Variants in SAMD13 observed in about 807,000 individuals in gnomAD.
SAMD13 encodes the protein sterile alpha motif domain containing 13.
SAMD13 carries 9 observed loss-of-function variants against 12.4 expected under a neutral mutation model. The ratio of observed to expected loss-of-function variants is 0.72; its 90% CI spans 0.44 to 1.26. The LOEUF (loss-of-function observed/expected upper bound fraction) is 1.26, where lower values mean the gene tolerates loss of function less well. SAMD13 is among the 50% of genes most tolerant of loss of function. SAMD13 has a pLI of 0.00. For missense variants in SAMD13, 84 were observed against 119.6 expected (o/e 0.70, Z 1.39); for synonymous variants, 46 against 45.4 (o/e 1.01, Z -0.05).
At chr1:84,329,863 A>G (rs1241886922) in intron 3 of SAMD13, among the ~76,000 whole-genome samples, 1 of 152,198 alleles carries the variant, frequency 6.6e-6, no homozygotes, top group East Asian at 1.9e-4. Flanking sequence ...TTGGGTTGGC[A>G]TGTGGTCTGT....
chr1:84,341,586 TA>T (rs936751100), intron 3 of SAMD13, among the ~76,000 whole-genome samples: 15 of 152,106 alleles, frequency 9.9e-5, no homozygotes, highest in Admixed American at 8.5e-4. Flanking sequence ...TGCAAAAAGC[TA>T]ATGGCTTAAG....
chr1:84,343,871 T>A (rs1254269935), intron 3 of SAMD13, among the ~76,000 whole-genome samples: 1 of 152,004 alleles, frequency 6.6e-6, no homozygotes, highest in Admixed American at 6.6e-5. Flanking sequence ...TAAATTTAAA[T>A]TAAAAAAAAT....
At chr1:84,344,837 T>C (rs1166873783) in intron 3 of SAMD13, 2 of 453,672 alleles carry the variant, frequency 4.4e-6, no homozygotes, top group Non-Finnish European at 8.9e-6. Context: ...AAGAGGCCTA[T>C]GAGGTCTTGT....
intron 2 of SAMD13, among the ~76,000 whole-genome samples, chr1:84,321,924 C>T (rs974046592): frequency 1.3e-5 from 2 of 152,326 alleles, no homozygotes; most frequent in East Asian, 1.9e-4. Context: ...TGCATTAACA[C>T]GAGCAACCTA....
At position 84,350,373 on chromosome 1, in the gene SAMD13, GA is replaced by G. The variant is rs1254905690; in HGVS notation, c.*603del. 1 of 152,192 alleles carries G rather than the reference GA, an allele frequency of 6.6e-6. No homozygotes were observed. Among genetic ancestry groups the G allele is most frequent in the East Asian group, 1.9e-4 (1 of 5,206 alleles). The allele number at this position is 152,192 out of a possible 1,614,324, so 9.4% of individuals were successfully genotyped here. ...CCTTCAGGAGCAGAATCATAGCTCT[GA>G]AAAGAGAAGCTCCGTTGTGTACTGA... is the stretch of plus-strand genomic sequence containing the variant. On this transcript the variant is annotated 3_prime_UTR_variant, in exon 4 of 4. Transcript: ENST00000394834.
chr1:84,329,214 G>A (rs1265548219), intron 3 of SAMD13, among the ~76,000 whole-genome samples: 1 of 152,086 alleles, frequency 6.6e-6, no homozygotes, highest in East Asian at 1.9e-4. Context: ...CCTTCTACAA[G>A]CCAGCAGGAG....
chr1:84,330,984 C>T (rs1679167464), intron 3 of SAMD13, among the ~76,000 whole-genome samples: 1 of 152,102 alleles, frequency 6.6e-6, no homozygotes, highest in African/African-American at 2.4e-5. Context: ...TATCTTTACT[C>T]TGAAATGCCC....
At position 84,325,853 on chromosome 1, in the gene SAMD13, C is replaced by T. The variant is rs945145131; in HGVS notation, c.165+105C>T. On this transcript the variant is annotated intron_variant, in intron 3 of 3. Transcript: ENST00000394834. ...AGTGAGGAGGAAGAGGACCAAAGAG[C>T]AGGGAGGAATCAGTGAGGCTCTGAG... 3.5e-5 allele frequency: 24 copies of T among 692,258 alleles called. No individual in the cohort carries two copies. The African/African-American group carries it at 3.5e-4, about 10-fold the overall frequency. The allele number at this position is 692,258 out of a possible 1,614,324, so 42.9% of individuals were successfully genotyped here.
At chr1:84,330,565 A>C (rs1679157755) in intron 3 of SAMD13, among the ~76,000 whole-genome samples, 1 of 152,228 alleles carries the variant, frequency 6.6e-6, no homozygotes. Context: ...CTAAATGAGC[A>C]GCATTCTCTG....
chr1:84,319,550 G>A (rs900859795), intron 2 of SAMD13, among the ~76,000 whole-genome samples: 17 of 150,880 alleles, frequency 1.1e-4, no homozygotes, highest in Admixed American at 1.1e-3. Context: ...CAGGAGAATC[G>A]CTTGAACCCA....
rs983561662 is a variant in SAMD13, at chr1:84,311,034, T to C, written c.53+7747T>C. ...TATCAAAGTTATTCAGTCGTTTTTG[T>C]CTTTAATTTTTGAATATTTGGCCAG... On this transcript the variant is annotated intron_variant, in intron 2 of 3. Transcript: ENST00000394834. Among the ~76,000 whole-genome samples, 4 of 152,154 alleles carry C rather than the reference T, an allele frequency of 2.6e-5. No homozygotes were observed. In the East Asian group the frequency reaches 5.8e-4, roughly 22 times the overall value.
intron 3 of SAMD13, among the ~76,000 whole-genome samples, chr1:84,341,915 G>A (rs1301745121): frequency 6.6e-6 from 1 of 152,180 alleles, no homozygotes; most frequent in Non-Finnish European, 1.5e-5. Context: ...CTTAATTATA[G>A]TAGAATTTTA....
In SAMD13 at chr1:84,331,489, T is replaced by A. The variant is rs555216823; in HGVS notation, c.165+5741T>A. 1.4e-4 allele frequency among the ~76,000 whole-genome samples: 21 copies of A among 152,248 alleles called. No homozygotes were observed. The South Asian group carries it at 2.1e-3, about 15-fold the overall frequency. On this transcript the variant is annotated intron_variant, in intron 3 of 3. Transcript: ENST00000394834. ...GATTTACTTCATCAGCATCTAATAA[T>A]ACCAAGTATTGAAAATATTTGAGGT...
At chr1:84,334,650 G>A (rs1438282530) in intron 3 of SAMD13, among the ~76,000 whole-genome samples, 1 of 152,016 alleles carries the variant, frequency 6.6e-6, no homozygotes, top group Non-Finnish European at 1.5e-5. Context: ...TGTAATGTTA[G>A]GTTGGTTAAT....
intron 2 of SAMD13, among the ~76,000 whole-genome samples, chr1:84,319,099 A>G (rs574025885): frequency 1.3e-5 from 2 of 152,268 alleles, no homozygotes; most frequent in East Asian, 3.9e-4. Flanking sequence ...CTTTCTTGCT[A>G]TTGAGATCCC....
chr1:84,350,510 A>T lies in SAMD13; in HGVS notation c.*736A>T, dbSNP rs754059773. 1 of 152,544 alleles carries T rather than the reference A, an allele frequency of 6.6e-6. No homozygotes were observed. The highest frequency in any genetic ancestry group is 2.1e-4 in the South Asian group (1 of 4,830). 9.4% of individuals were successfully genotyped at this position (152,544 alleles called of 1,614,324 possible). A position where few individuals can be genotyped will look rare whatever the true frequency, so the allele number is the denominator to read the frequency against. On this transcript the variant is annotated 3_prime_UTR_variant, in exon 4 of 4. Coordinates refer to ENST00000394834, the MANE Select transcript of SAMD13 (RefSeq NM_001134663.2). Reference sequence around the variant, plus strand: ...TGAAGAAAGAATTTTTTTTAACTTCATGGTTTTATTTATAATAATTTGTTT... The same window carrying T: ...TGAAGAAAGAATTTTTTTTAACTTCTTGGTTTTATTTATAATAATTTGTTT...
chr1:84,320,250 G>C (rs1280258738), intron 2 of SAMD13, among the ~76,000 whole-genome samples: 2 of 152,172 alleles, frequency 1.3e-5, no homozygotes, highest in African/African-American at 2.4e-5. Context: ...AAAGCCACGG[G>C]TATGGGAAAG....
intron 3 of SAMD13, among the ~76,000 whole-genome samples, chr1:84,333,650 A>T (rs972658352): frequency 4.6e-5 from 7 of 152,162 alleles, no homozygotes; most frequent in African/African-American, 1.4e-4. Flanking sequence ...TAGGTATAGA[A>T]TCATATCATC....
At chr1:84,325,558 C>T in intron 2 of SAMD13, 79 bp from the exon 3 acceptor site, 1 of 835,968 alleles carries the variant, frequency 1.2e-6, no homozygotes, top group Non-Finnish European at 2.1e-6. Context: ...AAGGCCTGTC[C>T]CAGAAGACCC....
Sources: gnomAD v4.1 joint callset for allele counts (sites outside exome capture counted in the v4.1 genomes callset) on GRCh38, gnomAD v4.1.1 for gene constraint, MANE v1.5 for transcripts, NCBI Gene and HGNC (gene_info 2026-07-23, HGNC 2026-07-21) for gene names.